The following VPS13B variants were observed in gnomAD, a reference collection of about 807,000 sequenced individuals.
VPS13B encodes vacuolar protein sorting 13 homolog B, also known as intermembrane lipid transfer protein VPS13B.
VPS13B carries 285 observed loss-of-function variants against 426.4 expected under a neutral mutation model. The ratio of observed to expected loss-of-function variants is 0.67; its 90% CI spans 0.61 to 0.74. The LOEUF is 0.74. Among genes scored for constraint, VPS13B ranks in the 30% least tolerant of loss-of-function variants. VPS13B has a pLI of 0.00. For synonymous variants in VPS13B, 1,676 were observed against 1,676.4 expected (o/e 1.00, Z 0.01); for missense variants, 4,537 against 4,782.6 (o/e 0.95, Z 1.51).
chr8:99,094,773 G>A (rs1846334927), intron 3 of VPS13B, among the ~76,000 whole-genome samples: 1 of 152,028 alleles, frequency 6.6e-6, no homozygotes, highest in African/African-American at 2.4e-5. Context: ...ATATGCTCTT[G>A]AAATTTTCCC....
At chr8:99,068,174 T>G (rs1053496867) in intron 3 of VPS13B, among the ~76,000 whole-genome samples, 12 of 152,232 alleles carry the variant, frequency 7.9e-5, no homozygotes, top group Admixed American at 4.6e-4. Context: ...TAGTCTTTCA[T>G]TAGAACTGTT....
chr8:99,434,974 A>C (rs1817296674), intron 22 of VPS13B, among the ~76,000 whole-genome samples: 1 of 152,174 alleles, frequency 6.6e-6, no homozygotes, highest in South Asian at 2.1e-4. Context: ...AAAAAAAAAG[A>C]GACATAATAG....
chr8:99,560,021 G>A, intron 31 of VPS13B, among the ~76,000 whole-genome samples: 1 of 152,104 alleles, frequency 6.6e-6, no homozygotes, highest in Non-Finnish European at 1.5e-5. Context: ...TCATGATATT[G>A]ATTCTTCCTA....
chr8:99,181,958 A>G (rs867438087), intron 16 of VPS13B, among the ~76,000 whole-genome samples: 2 of 152,128 alleles, frequency 1.3e-5, no homozygotes, highest in Admixed American at 6.5e-5. Context: ...AATACAACCA[A>G]TTAAAAAATG....
chr8:99,570,253 A>C (rs950635825), intron 31 of VPS13B, among the ~76,000 whole-genome samples: 1 of 151,988 alleles, frequency 6.6e-6, no homozygotes, highest in Non-Finnish European at 1.5e-5. Context: ...TTCTGGGAAA[A>C]TCCTCAGCTA....
At chr8:99,065,980 C>T (rs1844481522) in intron 3 of VPS13B, among the ~76,000 whole-genome samples, 2 of 152,142 alleles carry the variant, frequency 1.3e-5, no homozygotes, top group Admixed American at 1.3e-4. Flanking sequence ...AACTACAAAC[C>T]ACTGCTCAAT....
intron 19 of VPS13B, among the ~76,000 whole-genome samples, chr8:99,367,055 A>G (rs1812929940): frequency 6.6e-6 from 1 of 152,212 alleles, no homozygotes; most frequent in African/African-American, 2.4e-5. Context: ...ACAGCATTAC[A>G]GTATTCTGTG....
chr8:99,807,823 A>T (rs961470444), intron 43 of VPS13B, among the ~76,000 whole-genome samples: 17 of 151,410 alleles, frequency 1.1e-4, no homozygotes, highest in Admixed American at 5.9e-4. Context: ...AGGCCATATT[A>T]ACAGCAGGGA....
At chr8:99,095,353 C>T (rs531276044) in intron 3 of VPS13B, among the ~76,000 whole-genome samples, 18 of 152,122 alleles carry the variant, frequency 1.2e-4, no homozygotes, top group African/African-American at 4.3e-4. Context: ...ATTCTTTGTA[C>T]GTGCTACATA....
intron 2 of VPS13B, among the ~76,000 whole-genome samples, chr8:99,016,451 T>C (rs1413298688): frequency 6.6e-6 from 1 of 152,118 alleles, no homozygotes; most frequent in African/African-American, 2.4e-5. Context: ...AATTTTAACT[T>C]GTATTTTCCT....
chr8:99,865,842 G>A (rs1221932214), intron 58 of VPS13B, among the ~76,000 whole-genome samples: 6 of 152,348 alleles, frequency 3.9e-5, no homozygotes, highest in African/African-American at 1.4e-4. Context: ...GGTAAAGGCA[G>A]CATCAAAACA....
intron 3 of VPS13B, among the ~76,000 whole-genome samples, chr8:99,066,263 T>C (rs1160780168): frequency 1.3e-5 from 2 of 152,230 alleles, no homozygotes; most frequent in Non-Finnish European, 2.9e-5. Context: ...CCTACAAGGC[T>C]ACAGTAACCA....
chr8:99,828,371 C>G (rs952030813), intron 51 of VPS13B, among the ~76,000 whole-genome samples: 1 of 105,722 alleles, frequency 9.5e-6, no homozygotes, highest in Non-Finnish European at 1.9e-5. Flanking sequence ...TCTGTTTTAT[C>G]AGAGACTAGG....
intron 30 of VPS13B, among the ~76,000 whole-genome samples, chr8:99,524,503 A>G (rs946229844): frequency 1.3e-5 from 2 of 152,186 alleles, no homozygotes; most frequent in Admixed American, 1.3e-4. Context: ...CAAATAACAT[A>G]CAATGGAGCC....
At chr8:99,706,916 A>T (rs1314319321) in intron 36 of VPS13B, among the ~76,000 whole-genome samples, 1 of 152,148 alleles carries the variant, frequency 6.6e-6, no homozygotes, top group Non-Finnish European at 1.5e-5. Context: ...CTGTGGTCAC[A>T]GGAAATTGCC....
intron 3 of VPS13B, among the ~76,000 whole-genome samples, chr8:99,047,463 CT>C (rs1052041967): frequency 6.6e-6 from 1 of 151,940 alleles, no homozygotes; most frequent in Non-Finnish European, 1.5e-5. Flanking sequence ...TTTTACCTAC[CT>C]TTTTAAAGAA....
intron 17 of VPS13B, among the ~76,000 whole-genome samples, chr8:99,236,024 A>G (rs1816626655): frequency 6.6e-6 from 1 of 152,232 alleles, no homozygotes; most frequent in Non-Finnish European, 1.5e-5. Flanking sequence ...CATTTTAACA[A>G]TGCAAGAACT....
intron 19 of VPS13B, among the ~76,000 whole-genome samples, chr8:99,326,548 G>A (rs1297296801): frequency 2.3e-5 from 3 of 129,632 alleles, no homozygotes; most frequent in Non-Finnish European, 4.7e-5. Context: ...TGCCTCCCAG[G>A]CTCTCCTGCC....
At chr8:99,310,959 G>C (rs191308450) in intron 19 of VPS13B, among the ~76,000 whole-genome samples, 275 of 152,308 alleles carry the variant, frequency 1.8e-3, no homozygotes, top group African/African-American at 6.3e-3. Flanking sequence ...TATTTGCGTA[G>C]AGGTGTTTAT....
Sources: gnomAD v4.1 joint callset for allele counts (sites outside exome capture counted in the v4.1 genomes callset) on GRCh38, gnomAD v4.1.1 for gene constraint, MANE v1.5 for transcripts, NCBI Gene and HGNC (gene_info 2026-07-23, HGNC 2026-07-21) for gene names.